The following CTNNA1 variants were observed in gnomAD, a reference collection of about 807,000 sequenced individuals.
CTNNA1 encodes catenin alpha-1.
Under a neutral mutation model 98.4 loss-of-function variants are expected in CTNNA1, and 37 were observed. The ratio of observed to expected loss-of-function variants is 0.38; its 90% CI spans 0.29 to 0.49. The LOEUF is 0.49. Ranked by LOEUF, CTNNA1 falls within the 20% of genes least tolerant of loss-of-function variation. The pLI is 0.95. For synonymous variants in CTNNA1, 404 were observed against 413.2 expected (o/e 0.98, Z 0.27); for missense variants, 761 against 1,147.2 (o/e 0.66, Z 4.86).
At chr5:138,816,459 C>T (rs1015639546) in intron 5 of CTNNA1, among the ~76,000 whole-genome samples, 1 of 152,156 alleles carries the variant, frequency 6.6e-6, no homozygotes. Context: ...ATACAATTTT[C>T]CATAATGGCT....
At chr5:138,789,562 A>G (rs761046950) in intron 3 of CTNNA1, among the ~76,000 whole-genome samples, 4 of 152,186 alleles carry the variant, frequency 2.6e-5, no homozygotes, top group East Asian at 1.9e-4. Context: ...GGTTCAAGCA[A>G]TTCTCCTGCC....
intron 6 of CTNNA1, among the ~76,000 whole-genome samples, chr5:138,825,480 AAG>A (rs2149779173): frequency 4.5e-5 from 1 of 22,292 alleles, no homozygotes; most frequent in African/African-American, 2.2e-4. Flanking sequence ...GCAGCAGTAT[AAG>A]TTTTTTTTTT....
intron 1 of CTNNA1, among the ~76,000 whole-genome samples, chr5:138,777,903 AGAGGAGGGAGAG>A (rs1754554362): frequency 7.4e-4 from 7 of 9,508 alleles, no homozygotes; most frequent in Non-Finnish European, 1.2e-3. Context: ...AGGGAGAGGG[AGAGGAGGGAGAG>A]GGGGAGGAGG....
chr5:138,899,140 G>A (rs1395830209), intron 9 of CTNNA1, among the ~76,000 whole-genome samples: 1 of 152,036 alleles, frequency 6.6e-6, no homozygotes, highest in Non-Finnish European at 1.5e-5. Context: ...CGTTATTATG[G>A]ATCTGATTAC....
intron 4 of CTNNA1, among the ~76,000 whole-genome samples, chr5:138,810,480 T>TTA (rs1758567896): frequency 6.6e-6 from 1 of 152,216 alleles, no homozygotes; most frequent in African/African-American, 2.4e-5. Flanking sequence ...GATTAAATAT[T>TTA]TTCCTTGTAG....
chr5:138,838,139 G>C (rs1761963900), intron 7 of CTNNA1, among the ~76,000 whole-genome samples: 1 of 152,148 alleles, frequency 6.6e-6, no homozygotes, highest in Admixed American at 6.5e-5. Flanking sequence ...GATGTCAAAT[G>C]CTATACCCAC....
intron 4 of CTNNA1, among the ~76,000 whole-genome samples, chr5:138,810,712 A>G (rs1036762397): frequency 6.6e-6 from 1 of 152,322 alleles, no homozygotes; most frequent in Middle Eastern, 3.4e-3. Flanking sequence ...CACGGCAACC[A>G]TCCGATTTCT....
At chr5:138,891,972 G>A (rs1230985064) in intron 9 of CTNNA1, among the ~76,000 whole-genome samples, 1 of 152,144 alleles carries the variant, frequency 6.6e-6, no homozygotes, top group Non-Finnish European at 1.5e-5. Context: ...CTTTGGAAAG[G>A]GAATCAGAAA....
intron 3 of CTNNA1, among the ~76,000 whole-genome samples, chr5:138,784,535 TTC>T (rs1755464180): frequency 6.6e-6 from 1 of 152,220 alleles, no homozygotes. Flanking sequence ...AGATAAATAT[TTC>T]TAATACTGAA....
chr5:138,927,083 G>A (rs1456337959), intron 13 of CTNNA1, among the ~76,000 whole-genome samples: 5 of 152,056 alleles, frequency 3.3e-5, no homozygotes, highest in Non-Finnish European at 5.9e-5. Context: ...TCTCACCCTC[G>A]TCTAAGCCAC....
chr5:138,820,184 GC>G (rs1759888912), intron 5 of CTNNA1, among the ~76,000 whole-genome samples: 1 of 151,880 alleles, frequency 6.6e-6, no homozygotes, highest in African/African-American at 2.4e-5. Context: ...TCTCTCCTTG[GC>G]CCCATGAGTA....
At chr5:138,839,226 T>G (rs1029913625) in intron 7 of CTNNA1, among the ~76,000 whole-genome samples, 3 of 151,720 alleles carry the variant, frequency 2.0e-5, no homozygotes, top group Admixed American at 6.6e-5. Context: ...TGCTTTTTAT[T>G]TTTTTTTTCT....
intron 1 of CTNNA1, among the ~76,000 whole-genome samples, chr5:138,765,665 T>C (rs1201856921): frequency 2.0e-5 from 3 of 151,908 alleles, no homozygotes; most frequent in Non-Finnish European, 4.4e-5. Flanking sequence ...TAGGTAAGAA[T>C]TGGCGCTGGG....
intron 9 of CTNNA1, among the ~76,000 whole-genome samples, chr5:138,898,399 C>A (rs1271403716): frequency 6.6e-6 from 1 of 152,132 alleles, no homozygotes; most frequent in Non-Finnish European, 1.5e-5. Flanking sequence ...GTTTCCTCAT[C>A]AGTAGAGCTG....
chr5:138,823,206 G>A (rs552263173), intron 5 of CTNNA1, among the ~76,000 whole-genome samples: 1 of 152,228 alleles, frequency 6.6e-6, no homozygotes. Context: ...GTGAGTGAAA[G>A]AGGGATACCA....
intron 4 of CTNNA1, among the ~76,000 whole-genome samples, chr5:138,811,702 G>C (rs965078188): frequency 4.6e-5 from 7 of 152,110 alleles, no homozygotes; most frequent in East Asian, 1.9e-4. Flanking sequence ...GATCACTCGC[G>C]GTTAGGAGCT....
At chr5:138,758,470 C>G (rs377578369) in intron 1 of CTNNA1, among the ~76,000 whole-genome samples, 10 of 152,086 alleles carry the variant, frequency 6.6e-5, no homozygotes, top group Non-Finnish European at 1.0e-4. Context: ...CTCTGCCTCC[C>G]GTGTTCAAGT....
intron 7 of CTNNA1, among the ~76,000 whole-genome samples, chr5:138,885,140 G>A (rs1218716051): frequency 6.6e-6 from 1 of 152,048 alleles, no homozygotes; most frequent in Non-Finnish European, 1.5e-5. Flanking sequence ...GACAGGTAAG[G>A]GATAAGAGAT....
intron 13 of CTNNA1, among the ~76,000 whole-genome samples, chr5:138,927,594 C>CTAT (rs574780692): frequency 4.7e-4 from 71 of 151,816 alleles, no homozygotes; most frequent in Non-Finnish European, 8.8e-4. Context: ...TTTGATGTGT[C>CTAT]ATATAATTCA....
Sources: allele counts gnomAD v4.1 joint callset (sites outside exome capture counted in the v4.1 genomes callset), GRCh38; gene constraint gnomAD v4.1.1; transcripts MANE v1.5; gene names NCBI Gene and HGNC (gene_info 2026-07-23, HGNC 2026-07-21).